The following ZNF385D variants were observed in gnomAD, a reference collection of about 807,000 sequenced individuals.
ZNF385D encodes zinc finger protein 385D.
Under a neutral mutation model 35.8 loss-of-function variants are expected in ZNF385D, and 15 were observed. The ratio of observed to expected loss-of-function variants is 0.42; its 90% CI spans 0.28 to 0.64. The LOEUF (loss-of-function observed/expected upper bound fraction) is 0.64, where lower values mean the gene tolerates loss of function less well. Among genes scored for constraint, ZNF385D ranks in the 30% least tolerant of loss-of-function variants. The pLI, the probability that ZNF385D is intolerant of heterozygous loss-of-function variation, is 0.23. For missense variants in ZNF385D, 474 were observed against 494.6 expected, an observed-to-expected ratio of 0.96 and a Z score of 0.39; for synonymous variants, 212 against 186.8, an observed-to-expected ratio of 1.13 and a Z score of -1.10.
At chr3:22,024,949 A>G (rs1697445174) in intron 3 of ZNF385D, among the ~76,000 whole-genome samples, 1 of 152,170 alleles carries the variant, frequency 6.6e-6, no homozygotes, top group South Asian at 2.1e-4. Context: ...ATTGTGGAAA[A>G]ATAGACACAA....
At chr3:22,011,142 A>G (rs1696545716) in intron 3 of ZNF385D, among the ~76,000 whole-genome samples, 1 of 152,156 alleles carries the variant, frequency 6.6e-6, no homozygotes, top group South Asian at 2.1e-4. Context: ...ATTTTTGTAT[A>G]TAACTACAGT....
chr3:21,972,446 G>A (rs544130094), intron 3 of ZNF385D, among the ~76,000 whole-genome samples: 1 of 151,784 alleles, frequency 6.6e-6, no homozygotes, highest in African/African-American at 2.4e-5. Flanking sequence ...GTACTAAGAG[G>A]AAAGTTTATA....
intron 3 of ZNF385D, among the ~76,000 whole-genome samples, chr3:21,982,760 C>G (rs1438643342): frequency 6.6e-6 from 1 of 151,880 alleles, no homozygotes; most frequent in Non-Finnish European, 1.5e-5. Context: ...TATGTTTCTA[C>G]TATACCTAGT....
chr3:22,108,525 A>G (rs371331173), intron 3 of ZNF385D, among the ~76,000 whole-genome samples: 7 of 152,306 alleles, frequency 4.6e-5, no homozygotes, highest in East Asian at 1.9e-4. Context: ...TGACTGGCAA[A>G]TGAGTGCAAT....
chr3:21,527,064 A>C (rs1395728847), intron 3 of ZNF385D, among the ~76,000 whole-genome samples: 1 of 152,212 alleles, frequency 6.6e-6, no homozygotes, highest in Non-Finnish European at 1.5e-5. Context: ...GAAAATCTTA[A>C]AAGTACAAAT....
At chr3:22,056,813 A>G (rs949753673) in intron 3 of ZNF385D, among the ~76,000 whole-genome samples, 2 of 152,234 alleles carry the variant, frequency 1.3e-5, no homozygotes, top group East Asian at 3.9e-4. Context: ...GGCCTTGGCT[A>G]CAGGCTGCAG....
chr3:22,086,986 G>T (rs951826298), intron 3 of ZNF385D, among the ~76,000 whole-genome samples: 1 of 152,084 alleles, frequency 6.6e-6, no homozygotes, highest in Admixed American at 6.6e-5. Context: ...TAATGTAAAT[G>T]ACAAGTTAAT....
chr3:21,618,612 C>A (rs2064916147), intron 2 of ZNF385D, among the ~76,000 whole-genome samples: 1 of 152,002 alleles, frequency 6.6e-6, no homozygotes, highest in African/African-American at 2.4e-5. Context: ...AAATGAGTAA[C>A]AAATATATAT....
At chr3:21,458,776 G>A (rs1702982962) in intron 4 of ZNF385D, among the ~76,000 whole-genome samples, 1 of 148,042 alleles carries the variant, frequency 6.8e-6, no homozygotes, top group Admixed American at 6.8e-5. Context: ...GTAGATTAGT[G>A]GTAGTGAGGG....
chr3:21,748,924 C>A (rs78019889), intron 1 of ZNF385D, among the ~76,000 whole-genome samples: 28,185 of 152,012 alleles, frequency 0.19, 3,112 homozygotes, highest in Non-Finnish European at 0.24. Context: ...TTGTACCACA[C>A]ATTTTTTTTT....
chr3:21,948,124 C>G (rs867497629), intron 3 of ZNF385D, among the ~76,000 whole-genome samples: 1 of 152,060 alleles, frequency 6.6e-6, no homozygotes, highest in Middle Eastern at 3.4e-3. Flanking sequence ...AATATAATTA[C>G]TAAAGCTGTG....
At chr3:22,211,679 G>A (rs1212276236) in intron 2 of ZNF385D, among the ~76,000 whole-genome samples, 1 of 151,936 alleles carries the variant, frequency 6.6e-6, no homozygotes, top group African/African-American at 2.4e-5. Flanking sequence ...GACCAAGGGA[G>A]AGGGTAGGAA....
intron 3 of ZNF385D, among the ~76,000 whole-genome samples, chr3:22,163,944 A>C (rs1706135946): frequency 6.6e-6 from 1 of 152,198 alleles, no homozygotes; most frequent in African/African-American, 2.4e-5. Flanking sequence ...ATTTGTACAA[A>C]TCAACATTTT....
intron 3 of ZNF385D, among the ~76,000 whole-genome samples, chr3:21,851,480 G>C (rs1018866729): frequency 6.6e-5 from 10 of 151,940 alleles, no homozygotes; most frequent in Non-Finnish European, 1.3e-4. Context: ...AATGTTCACA[G>C]AACCTTTATT....
intron 2 of ZNF385D, among the ~76,000 whole-genome samples, chr3:21,655,819 T>C (rs573723746): frequency 2.0e-5 from 3 of 152,116 alleles, no homozygotes; most frequent in African/African-American, 7.2e-5. Flanking sequence ...TTTGTATGAT[T>C]TGGGGAAAAT....
At chr3:22,098,755 CA>C (rs1701767987) in intron 3 of ZNF385D, among the ~76,000 whole-genome samples, 2 of 151,548 alleles carry the variant, frequency 1.3e-5, no homozygotes, top group East Asian at 3.9e-4. Flanking sequence ...AAATACACCC[CA>C]AATAAAGAAA....
chr3:21,978,767 G>A (rs967841989), intron 3 of ZNF385D, among the ~76,000 whole-genome samples: 3 of 151,856 alleles, frequency 2.0e-5, no homozygotes, highest in African/African-American at 7.3e-5. Flanking sequence ...GTCTTCTCGG[G>A]GAGCAAGGCT....
At chr3:21,758,658 T>A (rs931971275) in intron 3 of ZNF385D, among the ~76,000 whole-genome samples, 9 of 152,142 alleles carry the variant, frequency 5.9e-5, no homozygotes, top group Non-Finnish European at 1.5e-5. Context: ...CCCTGATTAA[T>A]TGATAGTCCT....
intron 2 of ZNF385D, among the ~76,000 whole-genome samples, chr3:22,308,337 A>G (rs1703348421): frequency 6.6e-6 from 1 of 152,124 alleles, no homozygotes; most frequent in Non-Finnish European, 1.5e-5. Flanking sequence ...TATAAATTTC[A>G]AATCACTAAC....
Sources: gnomAD v4.1 joint callset for allele counts (sites outside exome capture counted in the v4.1 genomes callset) on GRCh38, gnomAD v4.1.1 for gene constraint, MANE v1.5 for transcripts, NCBI Gene and HGNC (gene_info 2026-07-23, HGNC 2026-07-21) for gene names.